IL1RAPL1: variants seen among roughly 807,000 people sequenced by gnomAD.
IL1RAPL1 encodes the protein interleukin-1 receptor accessory protein-like 1.
Under a neutral mutation model 48.4 loss-of-function variants are expected in IL1RAPL1, and 3 were observed. The ratio of observed to expected loss-of-function variants is 0.06; its 90% CI spans 0.03 to 0.16. IL1RAPL1 has a LOEUF of 0.16. Ranked by LOEUF, IL1RAPL1 falls within the 10% of genes least tolerant of loss-of-function variation. IL1RAPL1 has a pLI of 1.00. For synonymous variants in IL1RAPL1, 185 were observed against 187.7 expected, an observed-to-expected ratio of 0.99 and a Z score of 0.12; for missense variants, 349 against 530.6, an observed-to-expected ratio of 0.66 and a Z score of 3.36.
At chrX:29,949,686 T>C (rs1363582917) in intron 9 of IL1RAPL1, among the ~76,000 whole-genome samples, 1 of 112,250 alleles carries the variant, frequency 8.9e-6, no homozygotes, top group Non-Finnish European at 1.9e-5. Flanking sequence ...CCCTATCCTT[T>C]AAAAATATTA....
intron 6 of IL1RAPL1, among the ~76,000 whole-genome samples, chrX:29,766,684 AAG>A (rs1283370242): frequency 3.1e-5 from 2 of 64,156 alleles, no homozygotes; most frequent in African/African-American, 8.2e-5. Flanking sequence ...TATAAATATA[AAG>A]TATATATTAA....
intron 2 of IL1RAPL1, among the ~76,000 whole-genome samples, chrX:28,915,763 A>G (rs1398819603): frequency 9.0e-6 from 1 of 111,383 alleles, no homozygotes; most frequent in East Asian, 2.8e-4. Flanking sequence ...ATTAAATGAG[A>G]CAATAGGTGA....
intron 2 of IL1RAPL1, among the ~76,000 whole-genome samples, chrX:29,008,518 A>C (rs1926044860): frequency 8.9e-6 from 1 of 112,254 alleles, no homozygotes; most frequent in South Asian, 3.7e-4. Context: ...GAATTTGTTA[A>C]TTAGCTTGAT....
chrX:29,050,608 C>G (rs983172021), intron 2 of IL1RAPL1, among the ~76,000 whole-genome samples: 2 of 112,394 alleles, frequency 1.8e-5, no homozygotes, highest in African/African-American at 3.2e-5. Context: ...CACAGTATCT[C>G]GGTCACACCA....
intron 2 of IL1RAPL1, among the ~76,000 whole-genome samples, chrX:29,076,610 TCATTC>T (rs747422334): frequency 2.6e-4 from 29 of 111,811 alleles, no homozygotes; most frequent in African/African-American, 8.8e-4. Context: ...GTCTTTCGAT[TCATTC>T]CATTCCATTC....
chrX:29,030,493 A>G (rs781169567), intron 2 of IL1RAPL1, among the ~76,000 whole-genome samples: 1 of 111,135 alleles, frequency 9.0e-6, no homozygotes, highest in Non-Finnish European at 1.9e-5. Context: ...TTACCTTTTT[A>G]TGTTTTGCCT....
At chrX:29,346,561 A>C (rs1238942443) in intron 3 of IL1RAPL1, among the ~76,000 whole-genome samples, 1 of 112,693 alleles carries the variant, frequency 8.9e-6, no homozygotes, top group Admixed American at 9.4e-5. Flanking sequence ...CTGCATGATA[A>C]AATTAAATGA....
Position 29,728,712 on chromosome X carries a change from A to G in IL1RAPL1, c.778+60208A>G, listed in dbSNP as rs1417303251. On this transcript the variant is annotated intron_variant, in intron 6 of 10. Coordinates refer to ENST00000378993, the MANE Select transcript of IL1RAPL1 (RefSeq NM_014271.4). ...TTCTATTATAGTTACGCACTATTGC[A>G]TAATAAACATCCCGGAAATATAGTG... Among the ~76,000 whole-genome samples the G allele has an allele frequency of 4.4e-5, 5 of 112,476 alleles. No individual in the cohort carries two copies. The East Asian group carries it at 1.4e-3, about 32-fold the overall frequency.
chrX:28,720,751 T>G (rs1229770245), intron 1 of IL1RAPL1, among the ~76,000 whole-genome samples: 1 of 111,343 alleles, frequency 9.0e-6, no homozygotes, highest in Non-Finnish European at 1.9e-5. Flanking sequence ...CCCTCCCCTC[T>G]CACCCCACCC....
chrX:29,267,604 G>T (rs964245965), intron 2 of IL1RAPL1, among the ~76,000 whole-genome samples: 1 of 110,796 alleles, frequency 9.0e-6, no homozygotes, highest in African/African-American at 3.3e-5. Flanking sequence ...AATAGTGGAA[G>T]AATTTTTTTT....
At chrX:28,721,173 G>GT (rs1460256926) in intron 1 of IL1RAPL1, among the ~76,000 whole-genome samples, 49 of 111,582 alleles carry the variant, frequency 4.4e-4, no homozygotes, top group African/African-American at 1.6e-3. Flanking sequence ...TCACCACACT[G>GT]CTTCCACAAT....
At chrX:29,429,894 GGTGTGTGTGTGTGTGTGTGTGT>G (rs1556011349) in intron 5 of IL1RAPL1, among the ~76,000 whole-genome samples, 1 of 85,135 alleles carries the variant, frequency 1.2e-5, no homozygotes, top group African/African-American at 4.7e-5. Context: ...GTGTGTGTGT[GGTGTGTGTGTGTGTGTGTGTGT>G]GTGTGTGTGT....
intron 2 of IL1RAPL1, among the ~76,000 whole-genome samples, chrX:28,880,536 A>C (rs1261663804): frequency 1.8e-5 from 2 of 112,494 alleles, no homozygotes; most frequent in Non-Finnish European, 1.9e-5. Context: ...AACCAAAGAA[A>C]TGGAAAATAT....
intron 1 of IL1RAPL1, among the ~76,000 whole-genome samples, chrX:28,602,135 G>A (rs1232946570): frequency 2.7e-5 from 3 of 109,314 alleles, no homozygotes; most frequent in East Asian, 5.7e-4. Context: ...AAGGTTCATG[G>A]TATTTTTAAA....
intron 6 of IL1RAPL1, among the ~76,000 whole-genome samples, chrX:29,915,098 G>A (rs975894264): frequency 6.3e-5 from 7 of 111,413 alleles, no homozygotes; most frequent in Admixed American, 1.9e-4. Context: ...GTTCAAGACC[G>A]GCCTGGCCAA....
chrX:29,294,392 G>A (rs777120548), intron 3 of IL1RAPL1, among the ~76,000 whole-genome samples: 3 of 108,866 alleles, frequency 2.8e-5, no homozygotes, highest in Non-Finnish European at 5.7e-5. Flanking sequence ...GCCGGGCGTG[G>A]TGGTGGGTGC....
chrX:28,808,000 A>T (rs749461359), intron 2 of IL1RAPL1, among the ~76,000 whole-genome samples: 1 of 110,951 alleles, frequency 9.0e-6, no homozygotes, highest in South Asian at 3.8e-4. Flanking sequence ...GTATCAAGTA[A>T]TATGTAAGGA....
chrX:29,918,144 A>AAAAAATATAT (rs1555935868), intron 7 of IL1RAPL1, among the ~76,000 whole-genome samples: 1 of 23,761 alleles, frequency 4.2e-5, no homozygotes, highest in African/African-American at 2.4e-4. Context: ...AAAAAAAAAA[A>AAAAAATATAT]ATATATATAT....
chrX:28,978,757 A>C (rs970077023), intron 2 of IL1RAPL1, among the ~76,000 whole-genome samples: 2 of 112,086 alleles, frequency 1.8e-5, no homozygotes, highest in African/African-American at 6.5e-5. Flanking sequence ...ACCGGGGTTT[A>C]AGATTTATCA....
Sources: gnomAD v4.1 joint callset for allele counts (sites outside exome capture counted in the v4.1 genomes callset) on GRCh38, gnomAD v4.1.1 for gene constraint, MANE v1.5 for transcripts, NCBI Gene and HGNC (gene_info 2026-07-23, HGNC 2026-07-21) for gene names.